EIF3K: variants seen among roughly 807,000 people sequenced by gnomAD.
The protein encoded by EIF3K is eukaryotic translation initiation factor 3 subunit K.
EIF3K carries 27 observed loss-of-function variants against 34.2 expected under a neutral mutation model. The observed-to-expected ratio is 0.79, with a 90% CI of 0.58 to 1.09. EIF3K has a LOEUF of 1.09. Among genes scored for constraint, EIF3K ranks in the 50% least tolerant of loss-of-function variants. The pLI is 0.00. For synonymous variants in EIF3K, 105 were observed against 105.7 expected (o/e 0.99, Z 0.04); for missense variants, 232 against 275.4 (o/e 0.84, Z 1.11).
In EIF3K at chr19:38,619,305, A is replaced by G. The variant is rs1975781395; in HGVS notation, c.37A>G (p.Lys13Glu). 2 of 1,613,960 alleles carry G rather than the reference A, an allele frequency of 1.2e-6. No individual in the cohort carries two copies. Among genetic ancestry groups the G allele is most frequent in the Non-Finnish European group, 1.7e-6 (2 of 1,179,966 alleles). The change falls in exon 1 of 8, where the codon AAG becomes GAG. Residue 13 changes from lysine (K) to glutamate (E), a missense_variant. Lys to Glu is a moderately conservative substitution (Grantham distance 56). Transcript: ENST00000248342. The stretch of plus-strand genomic sequence containing the variant: ...TGAGCAGATGAGAGCCAACGTGGGC[A>G]AGTTGCTCAAGGGTATCGACAGGTC... Reference protein sequence around the residue: ...MFEQMRANVGKLLKGIDRYNP... With the variant: ...MFEQMRANVGELLKGIDRYNP...
chr19:38,631,684 G>A (rs972363124), intron 4 of EIF3K, among the ~76,000 whole-genome samples: 1 of 152,180 alleles, frequency 6.6e-6, no homozygotes, highest in Non-Finnish European at 1.5e-5. Context: ...GACCCTTTAC[G>A]GGTGTCGGGC....
At chr19:38,621,214 AAAAG>A (rs1401813493) in intron 2 of EIF3K, among the ~76,000 whole-genome samples, 1 of 151,466 alleles carries the variant, frequency 6.6e-6, no homozygotes, top group African/African-American at 2.4e-5. Context: ...AAAAAAAAAA[AAAAG>A]AATTACCAAT....
intron 4 of EIF3K, chr19:38,628,394 C>T (rs1431888108): frequency 1.3e-5 from 2 of 152,326 alleles, no homozygotes; most frequent in Admixed American, 1.3e-4. Context: ...GAGTTTCCAG[C>T]ATCTCCATTC....
intron 4 of EIF3K, chr19:38,632,016 A>G (rs1011336091): frequency 1.0e-5 from 2 of 194,996 alleles, no homozygotes; most frequent in Non-Finnish European, 2.1e-5. Flanking sequence ...CTTAGTACAG[A>G]ATAAAATGGA....
intron 4 of EIF3K, among the ~76,000 whole-genome samples, chr19:38,631,226 T>G (rs1261859328): frequency 2.0e-5 from 3 of 152,084 alleles, no homozygotes; most frequent in African/African-American, 7.2e-5. Context: ...AGACAAAGTA[T>G]AGAGAAAGAG....
intron 2 of EIF3K, 119 bp from the exon 3 acceptor site, chr19:38,623,958 G>C (rs572944358): frequency 5.3e-6 from 8 of 1,499,250 alleles, no homozygotes; most frequent in Non-Finnish European, 3.6e-6. Context: ...CTGGGACTGG[G>C]ATTGGAACCC....
At chr19:38,629,267 GTTTGT>G (rs3033331) in intron 4 of EIF3K, among the ~76,000 whole-genome samples, 4,327 of 148,904 alleles carry the variant, frequency 0.029, 92 homozygotes, top group African/African-American at 0.056. Context: ...TTTTTTGTTT[GTTTGT>G]TTTGTTTTGT....
rs1341432179 is a variant in EIF3K at position 38,632,843 on chromosome 19, G to A, written c.499+165G>A. Reference sequence around the variant, plus strand: ...CTTGGTATAAGACAGTCTCTGCCTTGAGGGAGATCCTATGCCATTTGCTCA... The same window carrying A: ...CTTGGTATAAGACAGTCTCTGCCTTAAGGGAGATCCTATGCCATTTGCTCA... On this transcript the variant is annotated intron_variant, in intron 6 of 7. Transcript: ENST00000248342. 4 of 586,846 alleles carry A rather than the reference G, an allele frequency of 6.8e-6. No individual in the cohort carries two copies. The African/African-American group carries it at 7.5e-5, about 11-fold the overall frequency. 36.4% of individuals were successfully genotyped at this position (586,846 alleles called of 1,614,324 possible).
chr19:38,625,159 TTTTA>T (rs566690771), intron 3 of EIF3K, among the ~76,000 whole-genome samples: 5 of 151,946 alleles, frequency 3.3e-5, no homozygotes, highest in Admixed American at 3.3e-4. Flanking sequence ...TGTTGTTTTA[TTTTA>T]TTTATTTTAT....
intron 2 of EIF3K, among the ~76,000 whole-genome samples, chr19:38,621,197 TAAAAA>T (rs34987023): frequency 1.7e-5 from 2 of 120,076 alleles, no homozygotes; most frequent in Non-Finnish European, 3.6e-5. Flanking sequence ...CCCCTCTTTT[TAAAAA>T]AAAAAAAAAA....
chr19:38,629,563 G>A (rs148642070), intron 4 of EIF3K, among the ~76,000 whole-genome samples: 188 of 152,284 alleles, frequency 1.2e-3, no homozygotes, highest in African/African-American at 4.3e-3. Context: ...CCAAAGTGCT[G>A]GGATTACAGG....
At chr19:38,632,886 G>C (rs949181890) in intron 6 of EIF3K, 50 of 527,724 alleles carry the variant, frequency 9.5e-5, no homozygotes, top group Admixed American at 2.1e-4. Flanking sequence ...TGCATTAATT[G>C]AGTGCCTACC....
At chr19:38,620,648 C>G (rs139624047) in intron 2 of EIF3K, among the ~76,000 whole-genome samples, 81 of 152,254 alleles carry the variant, frequency 5.3e-4, no homozygotes, top group Non-Finnish European at 1.1e-3. Flanking sequence ...TATCCCAGCA[C>G]TTTGGGAGGA....
At chr19:38,626,572 G>A (rs1008186832) in intron 4 of EIF3K, among the ~76,000 whole-genome samples, 2 of 152,144 alleles carry the variant, frequency 1.3e-5, no homozygotes, top group African/African-American at 2.4e-5. Context: ...GATCGCTTGA[G>A]GCTGCGAGTG....
At position 38,624,215 on chromosome 19, in the gene EIF3K, G is replaced by A; in HGVS notation, c.279+18G>A. On this transcript the variant is annotated intron_variant, in intron 3 of 7. Coordinates refer to ENST00000248342, the MANE Select transcript of EIF3K (RefSeq NM_013234.4). ...AGGCACATGTATCCTTCCAGCACTG[G>A]GGCCGGGGGGTGTGTGGGAAGGGGT... The A allele has an allele frequency of 6.2e-7, 1 of 1,613,910 alleles. No individual in the cohort carries two copies. Among genetic ancestry groups the A allele is most frequent in the Non-Finnish European group, 8.5e-7 (1 of 1,179,906 alleles).
chr19:38,634,051 ACAGG>A (rs1976132202), intron 6 of EIF3K, among the ~76,000 whole-genome samples: 1 of 146,988 alleles, frequency 6.8e-6, no homozygotes, highest in African/African-American at 2.5e-5. Context: ...TACTGGGATT[ACAGG>A]CGTGAGCCGC....
intron 7 of EIF3K, chr19:38,635,551 A>G (rs2144785719): frequency 4.2e-6 from 1 of 238,132 alleles, no homozygotes; most frequent in Admixed American, 5.0e-5. Flanking sequence ...TTTCTCATCT[A>G]AAAAATGGGG....
intron 7 of EIF3K, 72 bp from the exon 8 acceptor site, chr19:38,636,817 G>C: frequency 6.4e-7 from 1 of 1,559,218 alleles, no homozygotes; most frequent in African/African-American, 1.4e-5. Context: ...AGAATTGTGG[G>C]TGCTGTAGCA....
chr19:38,632,920 C>G (rs530028719), intron 6 of EIF3K: 1 of 453,378 alleles, frequency 2.2e-6, no homozygotes, highest in African/African-American at 2.0e-5. Context: ...CTAAACTGGG[C>G]GTGCAGCAGT....
Sources: allele counts gnomAD v4.1 joint callset (sites outside exome capture counted in the v4.1 genomes callset), GRCh38; gene constraint gnomAD v4.1.1; transcripts MANE v1.5; gene names NCBI Gene and HGNC (gene_info 2026-07-23, HGNC 2026-07-21).